POLD2: variants seen among roughly 807,000 people sequenced by gnomAD.
POLD2 encodes the protein DNA polymerase delta subunit 2.
In POLD2, 31 loss-of-function variants were observed where a neutral mutation model predicts 48.8. The ratio of observed to expected loss-of-function variants is 0.64; its 90% confidence interval spans 0.48 to 0.86. POLD2 has a LOEUF of 0.86. Ranked by LOEUF, POLD2 falls within the 40% of genes least tolerant of loss-of-function variation. The probability of loss-of-function intolerance (pLI) is 0.00; values close to 1 mark genes in which losing one functional copy is unlikely to be tolerated. For synonymous variants in POLD2, 233 were observed against 256.3 expected (o/e 0.91, Z 0.87); for missense variants, 455 against 610.1 (o/e 0.75, Z 2.68).
chr7:44,117,754 A>G lies in POLD2; in HGVS notation c.343-12T>C. 1 of 1,613,832 alleles carries G rather than the reference A, an allele frequency of 6.2e-7. No individual in the cohort carries two copies. The highest frequency in any genetic ancestry group is 8.5e-7 in the Non-Finnish European group (1 of 1,179,910). On this transcript the variant is annotated splice_polypyrimidine_tract_variant and intron_variant, in intron 3 of 10. Transcript: ENST00000610533. Reference sequence around the variant, plus strand: ...GGGAGCAGGTTGTGCTGGAATGCAGAGACAGGAGGTATAATCTTGGGGCCA... The same window carrying G: ...GGGAGCAGGTTGTGCTGGAATGCAGGGACAGGAGGTATAATCTTGGGGCCA...
rs775621069 is a variant in POLD2 at position 44,114,868 on chromosome 7, G to A, written c.1327C>T (p.Arg443Cys). Residue 443 changes from arginine (R) to cysteine (C), a missense_variant, in exon 11 of 11, where the codon CGC (arginine) becomes TGC (cysteine). By Grantham distance (180) the Arg-to-Cys change is radical. Coordinates refer to ENST00000610533, the MANE Select transcript of POLD2 (RefSeq NM_006230.4). ...CTGATGGGCTGGCAGGCCAGGCTGC[G>A]CAGGTTCACAAGGCAGGCGGTCTGC... ...ATQTACLVNL[R>C]SLACQPISFS... 18 of 1,613,756 alleles carry A rather than the reference G, an allele frequency of 1.1e-5. No individual in the cohort carries two copies. Among genetic ancestry groups the A allele is most frequent in the Admixed American group, 6.7e-5 (4 of 59,992 alleles).
At chr7:44,124,090 G>T (rs2096252579), upstream of POLD2, among the ~76,000 whole-genome samples, 1 of 152,138 alleles carries the variant, frequency 6.6e-6, no homozygotes, top group Non-Finnish European at 1.5e-5. Flanking sequence ...TCCTGCCAGC[G>T]TCTGCGTCCG....
At chr7:44,122,605 AT>A in intron 1 of POLD2, 1 of 292,912 alleles carries the variant, frequency 3.4e-6, no homozygotes, top group Non-Finnish European at 5.1e-6. Context: ...AAGTGTCCTC[AT>A]TTCATTGAAT....
In POLD2 at chr7:44,116,144, G is replaced by A; in HGVS notation, c.990C>T (p.Asn330=). The change falls in exon 8 of 11, where the codon AAC becomes AAT. Residue 330 remains asparagine, a synonymous_variant. Coordinates refer to ENST00000610533, the MANE Select transcript of POLD2 (RefSeq NM_006230.4). The surrounding 1 kb of genome is among the most constrained non-coding windows in gnomAD (Gnocchi z 6.1). ...CTCCATCAATGGTGGCCTGGTAGGGGTTGGTGACCAGCTGGAGCGTGGAGT... is the reference window on the plus strand; with the variant it reads ...CTCCATCAATGGTGGCCTGGTAGGGATTGGTGACCAGCTGGAGCGTGGAGT... ...TAYSTLQLVT[N]PYQATIDGVR... 6.2e-7 allele frequency: 1 copy of A among 1,613,756 alleles called. No homozygotes were observed. Among genetic ancestry groups the A allele is most frequent in the South Asian group, 1.1e-5 (1 of 91,066 alleles).
At chr7:44,118,191 C>G in intron 2 of POLD2, 127 bp from the exon 3 acceptor site, 2 of 1,104,512 alleles carry the variant, frequency 1.8e-6, no homozygotes, top group Non-Finnish European at 2.6e-6. Flanking sequence ...GAGAGAACAT[C>G]AAGTACAAGG....
Position 44,115,334 on chromosome 7 carries a change from A to G in POLD2, c.1210T>C (p.Cys404Arg). The G allele has an allele frequency of 6.2e-7, 1 of 1,614,130 alleles. No individual in the cohort carries two copies. The highest frequency in any genetic ancestry group is 1.3e-5 in the African/African-American group (1 of 75,054). Residue 404 changes from cysteine to arginine, a missense_variant, in exon 10 of 11, where the codon TGT becomes CGT. Transcript: ENST00000610533. ...GAGCCAAAGCTGGGGGTGTTGCCAC[A>G]AAAGTAGACATGCGGGCACTCTGGG... The part of the protein sequence containing the change: ...IFPECPHVYF[C>R]GNTPSFGSKI...
chr7:44,118,303 C>G (rs894904063), intron 2 of POLD2: 1 of 439,500 alleles, frequency 2.3e-6, no homozygotes, highest in Middle Eastern at 6.4e-4. Context: ...CTCATGAGAA[C>G]AGAGAGACAG....
rs1281086897 is a variant in POLD2 at position 44,121,307 on chromosome 7, G to C, written c.220+527C>G. On this transcript the variant is annotated intron_variant, in intron 2 of 10. Transcript: ENST00000610533. This position sits in a 1 kb window ranked among gnomAD's most constrained non-coding sequence, Gnocchi z 4.5. ...GGGAAGAAATGGGGGCAAAGAACAA[G>C]GGTTGTGTTGGGCAGGCCACTTTAT... Among the ~76,000 whole-genome samples, 1 of 152,110 alleles carries C rather than the reference G, an allele frequency of 6.6e-6. No individual in the cohort carries two copies. The highest frequency in any genetic ancestry group is 2.4e-5 in the African/African-American group (1 of 41,408).
chr7:44,119,325 G>A (rs768907856), intron 2 of POLD2, among the ~76,000 whole-genome samples: 1 of 152,148 alleles, frequency 6.6e-6, no homozygotes, highest in Non-Finnish European at 1.5e-5. Flanking sequence ...GGACAACGCG[G>A]ATGCCAGACC....
At chr7:44,115,485 G>A in intron 9 of POLD2, 89 bp from the exon 10 acceptor site, 1 of 909,412 alleles carries the variant, frequency 1.1e-6, no homozygotes, top group South Asian at 1.3e-5. Context: ...TCCTCCCATT[G>A]CAGGCCAGTA....
chr7:44,121,950 G>A lies in POLD2; in HGVS notation c.104C>T (p.Ser35Phe), dbSNP rs145901127. 3.1e-6 allele frequency: 5 copies of A among 1,613,834 alleles called. No individual in the cohort carries two copies. Among genetic ancestry groups the A allele is most frequent in the African/African-American group, 1.3e-5 (1 of 74,920 alleles). The change falls in exon 2 of 11, where the codon TCC becomes TTC. Residue 35 changes from serine to phenylalanine, a missense_variant. Around this residue, in one of 3 missense-constraint regions of POLD2, gnomAD observed 349 missense variants for 437.4 expected, o/e 0.80. Transcript: ENST00000610533. This position sits in a 1 kb window ranked among gnomAD's most constrained non-coding sequence, Gnocchi z 4.5. ...CTCTCCTAGCCGGAAGGGTTGTGAG[G>A]AGTTGGTGTAGGTTGCCACTGGCAC... ...ARVPVATYTNSSQPFRLGERS... is the reference protein window; with the variant it reads ...ARVPVATYTNFSQPFRLGERS...
Position 44,121,963 on chromosome 7 carries a change from T to C in POLD2, c.91A>G (p.Thr31Ala). Residue 31 changes from threonine to alanine, a missense_variant, in exon 2 of 11, where the codon ACC (threonine) becomes GCC (alanine). Physicochemically the swap from Thr to Ala is moderately conservative, Grantham distance 58. This residue lies in a region of POLD2 where 349 missense variants were observed against 437.4 expected (regional missense o/e 0.80). Coordinates refer to ENST00000610533, the MANE Select transcript of POLD2 (RefSeq NM_006230.4). The surrounding 1 kb of genome is among the most constrained non-coding windows in gnomAD (Gnocchi z 4.5). ...NATFARVPVA[T>A]YTNSSQPFRL... ...AAGGGTTGTGAGGAGTTGGTGTAGG[T>C]TGCCACTGGCACCCGGGCAAAGGTG... is the stretch of plus-strand genomic sequence containing the variant. The C allele has an allele frequency of 6.2e-7, 1 of 1,613,848 alleles. No individual in the cohort carries two copies. The highest frequency in any genetic ancestry group is 8.5e-7 in the Non-Finnish European group (1 of 1,180,036).
At chr7:44,123,752 C>T, upstream of POLD2, 1 of 1,317,410 alleles carries the variant, frequency 7.6e-7, no homozygotes, top group Non-Finnish European at 9.7e-7. Flanking sequence ...GCTCGCAGGC[C>T]GGCGCCGCGG....
intron 2 of POLD2, among the ~76,000 whole-genome samples, chr7:44,119,706 G>T (rs995378567): frequency 3.3e-5 from 5 of 152,216 alleles, no homozygotes; most frequent in Non-Finnish European, 7.3e-5. Context: ...CCGATAGTAG[G>T]ACATGCTTCC....
intron 1 of POLD2, 103 bp from the exon 2 acceptor site, chr7:44,122,212 A>T: frequency 4.9e-6 from 7 of 1,436,916 alleles, no homozygotes; most frequent in Non-Finnish European, 6.4e-6. Context: ...AAAGAAGGAG[A>T]ACAGCTGTAG....
intron 2 of POLD2, chr7:44,118,330 G>A (rs1583565834): frequency 2.8e-6 from 1 of 358,766 alleles, no homozygotes; most frequent in Non-Finnish European, 5.2e-6. Flanking sequence ...AGACAAGAGG[G>A]AGTGTGAAGA....
Position 44,123,494 on chromosome 7 carries a change from C to T in POLD2, c.-57+17G>A, listed in dbSNP as rs1290976414. 4.0e-6 allele frequency: 6 copies of T among 1,493,580 alleles called. No individual in the cohort carries two copies. The African/African-American group carries it at 5.8e-5, about 14-fold the overall frequency. 92.5% of individuals were successfully genotyped at this position (1,493,580 alleles called of 1,614,324 possible). A position where few individuals can be genotyped will look rare whatever the true frequency, so the allele number is the denominator to read the frequency against. ...CTGCCACCCCCAGCTGACCCCGTTTCCCTGGACCCCACTCACCGCGCGGCG... is the reference window on the plus strand; with the variant it reads ...CTGCCACCCCCAGCTGACCCCGTTTTCCTGGACCCCACTCACCGCGCGGCG... On this transcript the variant is annotated intron_variant, in intron 1 of 10. Coordinates refer to ENST00000610533, the MANE Select transcript of POLD2 (RefSeq NM_006230.4).
Position 44,116,097 on chromosome 7 carries a change from T to G in POLD2, c.1019+18A>C. On this transcript the variant is annotated intron_variant, in intron 8 of 10. Coordinates refer to ENST00000610533, the MANE Select transcript of POLD2 (RefSeq NM_006230.4). The surrounding 1 kb of genome is among the most constrained non-coding windows in gnomAD (Gnocchi z 6.1). ...GGCAAAAGGCTGGGTCAGACTGAAG[T>G]GTGGCTGTGCCAGCTACCTGACTCC... 6.2e-7 allele frequency: 1 copy of G among 1,613,270 alleles called. No individual in the cohort carries two copies. The highest frequency in any genetic ancestry group is 8.5e-7 in the Non-Finnish European group (1 of 1,179,948).
Position 44,116,463 on chromosome 7 carries a change from A to C in POLD2, c.828T>G (p.Val276=). 6.3e-7 allele frequency: 1 copy of C among 1,584,744 alleles called. No individual in the cohort carries two copies. Among genetic ancestry groups the C allele is most frequent in the Non-Finnish European group, 8.6e-7 (1 of 1,164,730 alleles). Residue 276 remains valine (V), a synonymous_variant, in exon 7 of 11, where the codon GTT becomes GTG. Transcript: ENST00000610533. This position sits in a 1 kb window ranked among gnomAD's most constrained non-coding sequence, Gnocchi z 6.1. ...KKTQAASVEA[V]KMLDEILLQL... ...GCAGGAGGATCTCATCCAGCATCTT[A>C]ACAGCCTCCACGCTGGCTGCCTGGG...
Sources: allele counts gnomAD v4.1 joint callset (sites outside exome capture counted in the v4.1 genomes callset), GRCh38; gene constraint gnomAD v4.1.1; regional missense constraint gnomAD v4.1.1; non-coding constraint Gnocchi (gnomAD v3.1); transcripts MANE v1.5; gene names NCBI Gene and HGNC (gene_info 2026-07-23, HGNC 2026-07-21).